ITCH: variants seen among roughly 807,000 people sequenced by gnomAD.
ITCH encodes itchy E3 ubiquitin protein ligase, also known as E3 ubiquitin-protein ligase Itchy homolog.
Under a neutral mutation model 126.8 loss-of-function variants are expected in ITCH, and 28 were observed. The observed-to-expected ratio is 0.22, with a 90% CI of 0.16 to 0.30. The LOEUF (loss-of-function observed/expected upper bound fraction) is 0.30. ITCH is among the 10% of genes least tolerant of loss of function. ITCH has a pLI of 1.00. For synonymous variants in ITCH, 342 were observed against 340.0 expected (o/e 1.01, Z -0.06); for missense variants, 631 against 1,032.4 (o/e 0.61, Z 5.33).
chr20:34,367,209 G>C (rs746156592), intron 1 of ITCH, among the ~76,000 whole-genome samples: 45 of 152,202 alleles, frequency 3.0e-4, no homozygotes, highest in Non-Finnish European at 5.0e-4. Context: ...ATGGAGTCTT[G>C]CTCGGCCATG....
At chr20:34,457,173 G>A (rs1029138497) in intron 12 of ITCH, among the ~76,000 whole-genome samples, 10 of 152,122 alleles carry the variant, frequency 6.6e-5, no homozygotes, top group Admixed American at 4.6e-4. Flanking sequence ...TATAAAGTAC[G>A]TCTACTTAGC....
intron 23 of ITCH, among the ~76,000 whole-genome samples, chr20:34,502,788 G>C (rs1990344384): frequency 6.6e-6 from 1 of 150,542 alleles, no homozygotes; most frequent in Non-Finnish European, 1.5e-5. Flanking sequence ...GGAGGCCAAG[G>C]TGGGTTGATC....
At chr20:34,456,025 A>G (rs2146347665) in intron 12 of ITCH, among the ~76,000 whole-genome samples, 1 of 151,438 alleles carries the variant, frequency 6.6e-6, no homozygotes, top group South Asian at 2.1e-4. Flanking sequence ...GTATTAAGAA[A>G]GGAAGTATTT....
intron 24 of ITCH, among the ~76,000 whole-genome samples, chr20:34,507,290 G>GTTTTTTTTTTTTTTTTTTTTTTTGTT (rs372382674): frequency 4.3e-5 from 3 of 70,002 alleles, no homozygotes; most frequent in African/African-American, 1.2e-4. Context: ...TTTTTTTTTT[G>GTTTTTTTTTTTTTTTTTTTTTTTGTT]GTTGTTGTTG....
intron 1 of ITCH, among the ~76,000 whole-genome samples, chr20:34,364,484 A>G (rs1233829859): frequency 6.6e-6 from 1 of 152,090 alleles, no homozygotes; most frequent in Non-Finnish European, 1.5e-5. Context: ...AAATCGGCTA[A>G]GGAATGGTTT....
In ITCH at chr20:34,408,638, T is replaced by G. The variant is rs1398991783; in HGVS notation, c.71-13T>G. On this transcript the variant is annotated splice_polypyrimidine_tract_variant and intron_variant, in intron 3 of 24. Transcript: ENST00000374864. ...TCTCAACTATTGAAATGTTTTTCAT[T>G]TCTTTTACATAGTCATCTCAGCAAA... is the stretch of plus-strand genomic sequence containing the variant. 3.1e-6 allele frequency: 5 copies of G among 1,608,546 alleles called. No homozygotes were observed.
intron 2 of ITCH, among the ~76,000 whole-genome samples, chr20:34,376,068 T>C (rs1470817900): frequency 1.3e-5 from 2 of 152,104 alleles, no homozygotes; most frequent in Non-Finnish European, 2.9e-5. Context: ...AACTTATGAA[T>C]TCATAGTGTA....
chr20:34,477,431 A>G (rs565956854), intron 16 of ITCH, among the ~76,000 whole-genome samples: 28 of 152,236 alleles, frequency 1.8e-4, no homozygotes, highest in African/African-American at 6.5e-4. Context: ...TTGGGAGGCT[A>G]AGGCAAGAGA....
intron 13 of ITCH, 148 bp from the exon 14 acceptor site, chr20:34,461,945 A>G: frequency 1.4e-6 from 1 of 717,202 alleles, no homozygotes; most frequent in Non-Finnish European, 2.4e-6. Flanking sequence ...GGATGTCCAC[A>G]TAGAGATGTC....
chr20:34,468,832 A>G (rs533775244), intron 14 of ITCH, among the ~76,000 whole-genome samples: 3 of 152,196 alleles, frequency 2.0e-5, no homozygotes, highest in African/African-American at 7.2e-5. Context: ...TAAGATGTAT[A>G]AATTGGAAAG....
At chr20:34,453,006 C>T (rs1209527026) in intron 12 of ITCH, among the ~76,000 whole-genome samples, 1 of 152,188 alleles carries the variant, frequency 6.6e-6, no homozygotes. Flanking sequence ...CATAGAATGA[C>T]AAGAAGTGTC....
In ITCH at chr20:34,440,491, C is replaced by T. The variant is rs548158793; in HGVS notation, c.869+147C>T. ...TCTTTTTTTTTTGAGATGGAGTGCT[C>T]TGTCTCCCAGACTGGAGTGCAGTGG... is the stretch of plus-strand genomic sequence containing the variant. On this transcript the variant is annotated intron_variant, in intron 9 of 24. Coordinates refer to ENST00000374864, the MANE Select transcript of ITCH (RefSeq NM_031483.7). The T allele has an allele frequency of 4.3e-6, 3 of 696,794 alleles. No individual in the cohort carries two copies. The South Asian group carries it at 5.3e-5, about 12-fold the overall frequency. The allele number at this position is 696,794 out of a possible 1,614,324, so 43.2% of individuals were successfully genotyped here.
intron 3 of ITCH, among the ~76,000 whole-genome samples, chr20:34,407,259 A>C (rs940971297): frequency 1.3e-5 from 2 of 152,174 alleles, no homozygotes; most frequent in Non-Finnish European, 2.9e-5. Flanking sequence ...AATAAAATCT[A>C]AATTATCATT....
chr20:34,369,713 A>G (rs535281025), intron 2 of ITCH, among the ~76,000 whole-genome samples: 1 of 152,304 alleles, frequency 6.6e-6, no homozygotes, highest in Admixed American at 6.5e-5. Context: ...CCTTATACAT[A>G]TGCATACTTT....
chr20:34,492,495 T>G lies in ITCH; in HGVS notation c.2320-6T>G. The G allele has an allele frequency of 6.6e-7, 1 of 1,519,416 alleles. No individual in the cohort carries two copies. Among genetic ancestry groups the G allele is most frequent in the South Asian group, 1.1e-5 (1 of 89,236 alleles). 94.1% of individuals were successfully genotyped at this position (1,519,416 alleles called of 1,614,324 possible). A position where few individuals can be genotyped will look rare whatever the true frequency, so the allele number is the denominator to read the frequency against. On this transcript the variant is annotated splice_polypyrimidine_tract_variant and splice_region_variant and intron_variant, in intron 22 of 24. Coordinates refer to ENST00000374864, the MANE Select transcript of ITCH (RefSeq NM_031483.7). The stretch of plus-strand genomic sequence containing the variant: ...ATATATATCTCTTTAAATATACTTT[T>G]AACAGTTTGTTAAAGAAATTGATAA...
rs140406114 is a variant in ITCH, at chr20:34,454,073, A to G, written c.1211-3317A>G. ...TTTTTAAAATTTAATGCGACTGCCA[A>G]GACATGAACTTATCTTGCTGTTATG... On this transcript the variant is annotated intron_variant, in intron 12 of 24. Transcript: ENST00000374864. Among the ~76,000 whole-genome samples, 240 of 152,230 alleles carry G rather than the reference A, an allele frequency of 1.6e-3. 1 individual carries two copies. The highest frequency in any genetic ancestry group is 9.6e-3 in the East Asian group (50 of 5,188).
intron 2 of ITCH, among the ~76,000 whole-genome samples, chr20:34,372,991 T>G (rs2037698086): frequency 1.3e-5 from 2 of 151,222 alleles, no homozygotes; most frequent in African/African-American, 4.9e-5. Context: ...TTTTTTTTTT[T>G]GAGACGGAGT....
intron 14 of ITCH, among the ~76,000 whole-genome samples, chr20:34,469,615 A>G (rs1987427131): frequency 6.6e-6 from 1 of 152,140 alleles, no homozygotes; most frequent in Non-Finnish European, 1.5e-5. Flanking sequence ...TGAACGTTTC[A>G]TATGCCACTT....
At chr20:34,452,615 C>T (rs1397089895) in intron 12 of ITCH, among the ~76,000 whole-genome samples, 1 of 152,124 alleles carries the variant, frequency 6.6e-6, no homozygotes, top group African/African-American at 2.4e-5. Context: ...CAGCTTGCAC[C>T]CTTTCAGACT....
Sources: gnomAD v4.1 joint callset for allele counts (sites outside exome capture counted in the v4.1 genomes callset) on GRCh38, gnomAD v4.1.1 for gene constraint, MANE v1.5 for transcripts, NCBI Gene and HGNC (gene_info 2026-07-23, HGNC 2026-07-21) for gene names.